HERC3: variants seen among roughly 807,000 people sequenced by gnomAD.
HERC3 encodes HECT and RLD domain containing E3 ubiquitin protein ligase 3.
Under a neutral mutation model 129.9 loss-of-function variants are expected in HERC3, and 58 were observed. The observed-to-expected ratio is 0.45, with a 90% CI of 0.36 to 0.56. The LOEUF is 0.56. Among genes scored for constraint, HERC3 ranks in the 20% least tolerant of loss-of-function variants. The pLI is 0.00. For missense variants in HERC3, 835 were observed against 1,244.2 expected (o/e 0.67, Z 4.95); for synonymous variants, 430 against 451.0 (o/e 0.95, Z 0.59).
intron 23 of HERC3, chr4:88,696,493 A>G (rs907174994): frequency 6.6e-6 from 1 of 152,196 alleles, no homozygotes; most frequent in Non-Finnish European, 1.5e-5. Context: ...AGAAAACACA[A>G]ACATGAGATT....
At chr4:88,617,175 C>CAAAAAA (rs1162260456) in intron 3 of HERC3, among the ~76,000 whole-genome samples, 1 of 31,850 alleles carries the variant, frequency 3.1e-5, no homozygotes, top group Non-Finnish European at 6.7e-5. Flanking sequence ...ACCCTGTCTC[C>CAAAAAA]AAAAAAAAAA....
chr4:88,604,930 T>A (rs1723455153), intron 2 of HERC3, among the ~76,000 whole-genome samples: 1 of 152,130 alleles, frequency 6.6e-6, no homozygotes, highest in African/African-American at 2.4e-5. Context: ...TGTGAATTGG[T>A]AGCGAGAGAT....
intron 23 of HERC3, among the ~76,000 whole-genome samples, chr4:88,692,393 G>A (rs1217737149): frequency 4.6e-5 from 7 of 152,054 alleles, no homozygotes; most frequent in African/African-American, 1.7e-4. Flanking sequence ...AGAGTAAAGA[G>A]ATCACATAGT....
chr4:88,593,871 A>G (rs1372196533), intron 1 of HERC3, among the ~76,000 whole-genome samples: 1 of 152,222 alleles, frequency 6.6e-6, no homozygotes, highest in Non-Finnish European at 1.5e-5. Context: ...CTCCTTTTGT[A>G]CTTTCCTTTA....
intron 2 of HERC3, among the ~76,000 whole-genome samples, chr4:88,598,334 C>T (rs1427441777): frequency 6.6e-6 from 1 of 152,102 alleles, no homozygotes; most frequent in African/African-American, 2.4e-5. Context: ...CGCCCTCCAC[C>T]CATGCCCTCT....
chr4:88,624,478 T>A (rs1284751119), intron 3 of HERC3, among the ~76,000 whole-genome samples: 1 of 152,220 alleles, frequency 6.6e-6, no homozygotes, highest in East Asian at 1.9e-4. Context: ...CTAATGAACT[T>A]GAACAGCTTT....
intron 23 of HERC3, among the ~76,000 whole-genome samples, chr4:88,692,128 C>T (rs1246171064): frequency 2.6e-5 from 4 of 152,154 alleles, no homozygotes; most frequent in Non-Finnish European, 5.9e-5. Flanking sequence ...CAAATCTTGC[C>T]ACCAGCTGGT....
At chr4:88,702,289 T>C (rs1013919615) in intron 23 of HERC3, among the ~76,000 whole-genome samples, 3 of 152,238 alleles carry the variant, frequency 2.0e-5, no homozygotes, top group Non-Finnish European at 4.4e-5. Flanking sequence ...ATGTATTCAC[T>C]CATTTAATCC....
chr4:88,681,471 A>T (rs1375281870), intron 21 of HERC3, 146 bp downstream of exon 21: 2 of 667,914 alleles, frequency 3.0e-6, no homozygotes, highest in Non-Finnish European at 5.0e-6. Flanking sequence ...TCTAAGATGT[A>T]GCTGTGCAGC....
the HERC3 span, among the ~76,000 whole-genome samples, chr4:88,558,955 G>A: frequency 1.0e-4 from 14 of 136,454 alleles, no homozygotes; most frequent in South Asian, 2.4e-4. Flanking sequence ...GCAACAGAGC[G>A]AGACTCTGTC....
At chr4:88,591,405 A>G (rs1425189870), upstream of HERC3, among the ~76,000 whole-genome samples, 1 of 151,986 alleles carries the variant, frequency 6.6e-6, no homozygotes, top group Admixed American at 6.6e-5. Flanking sequence ...TTTCTTTTCT[A>G]CTTGGTCAGT....
At chr4:88,634,257 C>G (rs1727103005) in intron 3 of HERC3, among the ~76,000 whole-genome samples, 1 of 152,224 alleles carries the variant, frequency 6.6e-6, no homozygotes. Flanking sequence ...GCCCATGCTA[C>G]TGGGGCCTTG....
At chr4:88,680,514 G>A (rs1279451634) in intron 20 of HERC3, among the ~76,000 whole-genome samples, 1 of 152,106 alleles carries the variant, frequency 6.6e-6, no homozygotes, top group Non-Finnish European at 1.5e-5. Context: ...GTGATAAATT[G>A]GTTTTGTGAC....
At chr4:88,617,622 A>G (rs1208743415) in intron 3 of HERC3, among the ~76,000 whole-genome samples, 1 of 152,232 alleles carries the variant, frequency 6.6e-6, no homozygotes, top group Non-Finnish European at 1.5e-5. Context: ...CTGTAAGCCC[A>G]GCACTTTGGG....
chr4:88,659,431 G>A (rs1449650401), intron 10 of HERC3, among the ~76,000 whole-genome samples: 6 of 152,208 alleles, frequency 3.9e-5, no homozygotes, highest in South Asian at 2.1e-4. Flanking sequence ...TAGTCATTCT[G>A]ATTCTGTGAT....
At chr4:88,645,722 C>A (rs1467710392) in intron 3 of HERC3, among the ~76,000 whole-genome samples, 3 of 152,152 alleles carry the variant, frequency 2.0e-5, no homozygotes, top group African/African-American at 7.2e-5. Flanking sequence ...TGAGAGATTT[C>A]ATCACATGAC....
intron 9 of HERC3, 67 bp from the exon 10 acceptor site, chr4:88,658,348 A>G: frequency 3.6e-6 from 3 of 822,718 alleles, no homozygotes; most frequent in East Asian, 2.5e-5. Flanking sequence ...CTGCGACAGT[A>G]GAAAAGGGGA....
At chr4:88,659,694 G>T (rs1730291557) in intron 10 of HERC3, among the ~76,000 whole-genome samples, 1 of 152,244 alleles carries the variant, frequency 6.6e-6, no homozygotes. Context: ...CACTGACTCT[G>T]TGGAGGATAA....
At chr4:88,688,698 C>G (rs963703396) in intron 23 of HERC3, among the ~76,000 whole-genome samples, 1 of 152,066 alleles carries the variant, frequency 6.6e-6, no homozygotes, top group African/African-American at 2.4e-5. Context: ...ATTTATATAT[C>G]TCAATAAAGA....
Sources: allele counts gnomAD v4.1 joint callset (sites outside exome capture counted in the v4.1 genomes callset), GRCh38; gene constraint gnomAD v4.1.1; transcripts MANE v1.5; gene names NCBI Gene and HGNC (gene_info 2026-07-23, HGNC 2026-07-21).